The following SLC24A2 variants were observed in gnomAD, a reference collection of about 807,000 sequenced individuals.
SLC24A2 encodes sodium/potassium/calcium exchanger 2.
Under a neutral mutation model 62.0 loss-of-function variants are expected in SLC24A2, and 36 were observed. That is an observed-to-expected ratio of 0.58 (90% CI 0.44 to 0.77). SLC24A2 has a LOEUF of 0.77. SLC24A2 is among the 30% of genes least tolerant of loss of function. The pLI is 0.00. For missense variants in SLC24A2, 846 were observed against 817.9 expected (o/e 1.03, Z -0.42); for synonymous variants, 358 against 294.0 (o/e 1.22, Z -2.23).
rs1367200828 is a variant in SLC24A2 at position 19,512,356 on chromosome 9, C to T, written c.*3797G>A. The T allele has an allele frequency of 6.6e-6, 1 of 152,234 alleles. No individual in the cohort carries two copies. The highest frequency in any genetic ancestry group is 6.5e-5 in the Admixed American group (1 of 15,274). 9.4% of individuals were successfully genotyped at this position (152,234 alleles called of 1,614,324 possible). On this transcript the variant is annotated 3_prime_UTR_variant, in exon 11 of 11. Transcript: ENST00000341998. The stretch of plus-strand genomic sequence containing the variant: ...GCATTTTTCCTGAATATAAAACAGT[C>T]TCCGCCTCTTTTTATAATCTTCTGG...
the SLC24A2 span, among the ~76,000 whole-genome samples, chr9:20,290,840 G>A: frequency 1.3e-5 from 2 of 152,200 alleles, no homozygotes; most frequent in Non-Finnish European, 2.9e-5. Context: ...AGTCCTCAGA[G>A]GCCATTGCAA....
the SLC24A2 span, among the ~76,000 whole-genome samples, chr9:20,209,683 C>A: frequency 6.6e-6 from 1 of 152,148 alleles, no homozygotes; most frequent in African/African-American, 2.4e-5. Flanking sequence ...CACCCTAAGA[C>A]TGGGTAAAGC....
chr9:20,260,845 C>CTTTTTTTTTTTTTTTTT, the SLC24A2 span, among the ~76,000 whole-genome samples: 4 of 110,534 alleles, frequency 3.6e-5, 1 homozygote, highest in Non-Finnish European at 5.1e-5. Context: ...ACGTATCATT[C>CTTTTTTTTTTTTTTTTT]TTTCTTTTTT....
At chr9:20,236,777 C>T in the SLC24A2 span, among the ~76,000 whole-genome samples, 36 of 152,092 alleles carry the variant, frequency 2.4e-4, no homozygotes, top group African/African-American at 7.7e-4. Context: ...TCACCTGCGG[C>T]GGGTGGAACT....
At chr9:19,723,027 A>G (rs1482438537) in intron 2 of SLC24A2, among the ~76,000 whole-genome samples, 1 of 152,130 alleles carries the variant, frequency 6.6e-6, no homozygotes, top group Non-Finnish European at 1.5e-5. Flanking sequence ...AATTCAAGGA[A>G]AATCCCAAAG....
chr9:19,708,793 C>G (rs1471722630), intron 2 of SLC24A2, among the ~76,000 whole-genome samples: 2 of 152,052 alleles, frequency 1.3e-5, no homozygotes, highest in East Asian at 3.9e-4. Context: ...GACCTAAAAC[C>G]ATAAAAACCC....
chr9:19,563,749 CCCTT>C (rs1835516874), intron 7 of SLC24A2, among the ~76,000 whole-genome samples: 1 of 117,386 alleles, frequency 8.5e-6, no homozygotes. Flanking sequence ...TTTATAATGA[CCCTT>C]CCTTCCTTTC....
chr9:20,098,361 G>A, the SLC24A2 span, among the ~76,000 whole-genome samples: 2 of 152,336 alleles, frequency 1.3e-5, no homozygotes, highest in Non-Finnish European at 1.5e-5. Context: ...AGGCTATGAT[G>A]CCCAAACTCT....
At chr9:19,597,617 C>T (rs536991608) in intron 4 of SLC24A2, among the ~76,000 whole-genome samples, 23 of 152,248 alleles carry the variant, frequency 1.5e-4, no homozygotes, top group East Asian at 9.7e-4. Context: ...GGTGACACTC[C>T]GAGAGAAAGG....
chr9:20,103,266 G>A, the SLC24A2 span, among the ~76,000 whole-genome samples: 1 of 152,216 alleles, frequency 6.6e-6, no homozygotes, highest in Non-Finnish European at 1.5e-5. Context: ...ACCTCTGGGG[G>A]CAGGGCACAG....
chr9:19,911,172 G>C, the SLC24A2 span, among the ~76,000 whole-genome samples: 7 of 149,052 alleles, frequency 4.7e-5, no homozygotes, highest in East Asian at 1.4e-3. Flanking sequence ...GCGGTGTTTA[G>C]TTTTTTGTCC....
At chr9:20,006,926 T>C in the SLC24A2 span, among the ~76,000 whole-genome samples, 1 of 152,160 alleles carries the variant, frequency 6.6e-6, no homozygotes, top group Non-Finnish European at 1.5e-5. Context: ...ACTGTGAGGA[T>C]AAAAGAAAAT....
the SLC24A2 span, among the ~76,000 whole-genome samples, chr9:20,203,446 G>A: frequency 6.6e-6 from 1 of 152,160 alleles, no homozygotes; most frequent in Non-Finnish European, 1.5e-5. Flanking sequence ...TTAATTAGCA[G>A]GTGAACTCAG....
the SLC24A2 span, among the ~76,000 whole-genome samples, chr9:20,258,454 G>T: frequency 6.6e-6 from 1 of 152,176 alleles, no homozygotes; most frequent in Non-Finnish European, 1.5e-5. Context: ...AACATGGGTG[G>T]GTGCCATCCA....
chr9:20,047,635 C>T, the SLC24A2 span, among the ~76,000 whole-genome samples: 1 of 141,128 alleles, frequency 7.1e-6, no homozygotes, highest in Non-Finnish European at 1.6e-5. Context: ...GGTGACAGCC[C>T]ACTACCTCAT....
At chr9:20,169,217 G>A in the SLC24A2 span, among the ~76,000 whole-genome samples, 1 of 152,072 alleles carries the variant, frequency 6.6e-6, no homozygotes, top group East Asian at 1.9e-4. Context: ...TGTTTAATGA[G>A]TACAGAGTTT....
chr9:19,682,554 G>C (rs973601899), intron 2 of SLC24A2, among the ~76,000 whole-genome samples: 1 of 152,088 alleles, frequency 6.6e-6, no homozygotes, highest in Middle Eastern at 3.2e-3. Flanking sequence ...ATGGTATGCA[G>C]AAAACCCTGA....
At chr9:19,525,419 T>TTA (rs869073500) in intron 9 of SLC24A2, among the ~76,000 whole-genome samples, 7 of 98,498 alleles carry the variant, frequency 7.1e-5, no homozygotes, top group Admixed American at 2.9e-4. Flanking sequence ...TTTTTTTTTT[T>TTA]AAAAGACAGG....
intron 7 of SLC24A2, among the ~76,000 whole-genome samples, chr9:19,561,924 G>A (rs1020554879): frequency 3.3e-5 from 5 of 152,182 alleles, no homozygotes; most frequent in African/African-American, 1.2e-4. Flanking sequence ...TCTTGGACAA[G>A]ACTCTGAACT....
Sources: allele counts gnomAD v4.1 joint callset (sites outside exome capture counted in the v4.1 genomes callset), GRCh38; gene constraint gnomAD v4.1.1; transcripts MANE v1.5; gene names NCBI Gene and HGNC (gene_info 2026-07-23, HGNC 2026-07-21).